The following AS3MT variants were observed in gnomAD, a reference collection of about 807,000 sequenced individuals.
AS3MT encodes arsenite methyltransferase.
AS3MT carries 47 observed loss-of-function variants against 45.3 expected under a neutral mutation model. That is an observed-to-expected ratio of 1.04 (90% confidence interval 0.82 to 1.32). The LOEUF is 1.32. Ranked by LOEUF, AS3MT falls within the 40% of genes most tolerant of loss-of-function variation. The pLI, the probability that AS3MT is intolerant of heterozygous loss-of-function variation, is 0.00. For missense variants in AS3MT, 396 were observed against 451.1 expected, an observed-to-expected ratio of 0.88 and a Z score of 1.11; for synonymous variants, 141 against 152.8, an observed-to-expected ratio of 0.92 and a Z score of 0.57.
intron 10 of AS3MT, among the ~76,000 whole-genome samples, chr10:102,899,322 T>A (rs1845234208): frequency 6.6e-6 from 1 of 151,792 alleles, no homozygotes; most frequent in Non-Finnish European, 1.5e-5. Flanking sequence ...CAAGCAGGAG[T>A]TCCAGTATAC....
intron 9 of AS3MT, among the ~76,000 whole-genome samples, chr10:102,889,300 T>C (rs1006809559): frequency 6.6e-6 from 1 of 152,178 alleles, no homozygotes; most frequent in Non-Finnish European, 1.5e-5. Context: ...AGTTCCACTT[T>C]TTTTAGCTTC....
chr10:102,892,985 A>AAAATAAAT (rs35801309), intron 10 of AS3MT, among the ~76,000 whole-genome samples: 3,284 of 138,324 alleles, frequency 0.024, 95 homozygotes, highest in African/African-American at 0.048. Context: ...ACTCTGTCTC[A>AAAATAAAT]AAATAAATAA....
chr10:102,897,267 C>G (rs1388839964), intron 10 of AS3MT, among the ~76,000 whole-genome samples: 2 of 151,368 alleles, frequency 1.3e-5, no homozygotes, highest in African/African-American at 2.4e-5. Context: ...GCCTGTAGTC[C>G]CAGCTACTCG....
At chr10:102,874,524 T>G in intron 5 of AS3MT, 68 bp from the exon 6 acceptor site, 2 of 1,173,806 alleles carry the variant, frequency 1.7e-6, no homozygotes, top group Non-Finnish European at 2.5e-6. Context: ...ACCTTTAGGG[T>G]CTGAAAGGAT....
intron 10 of AS3MT, among the ~76,000 whole-genome samples, chr10:102,892,754 T>C (rs1008726287): frequency 6.6e-5 from 10 of 151,984 alleles, no homozygotes; most frequent in African/African-American, 2.2e-4. Flanking sequence ...GGTGGGCAGA[T>C]TGCCTGAGCT....
At chr10:102,890,054 G>A (rs1241008703) in intron 9 of AS3MT, among the ~76,000 whole-genome samples, 1 of 148,252 alleles carries the variant, frequency 6.7e-6, no homozygotes, top group African/African-American at 2.5e-5. Flanking sequence ...GTGCTGGAGT[G>A]CAGTGGCACG....
intron 6 of AS3MT, among the ~76,000 whole-genome samples, chr10:102,876,035 A>G (rs1190391177): frequency 6.6e-6 from 1 of 152,120 alleles, no homozygotes; most frequent in African/African-American, 2.4e-5. Flanking sequence ...TGTCTTTGTT[A>G]GTATGTCATT....
At chr10:102,884,047 C>T (rs1169088752) in intron 9 of AS3MT, among the ~76,000 whole-genome samples, 2 of 145,538 alleles carry the variant, frequency 1.4e-5, no homozygotes, top group African/African-American at 2.5e-5. Flanking sequence ...GGCACAATCT[C>T]GGCTCACTGC....
intron 3 of AS3MT, 21 bp downstream of exon 3, chr10:102,870,232 C>G: frequency 6.2e-7 from 1 of 1,613,534 alleles, no homozygotes; most frequent in Non-Finnish European, 8.5e-7. Context: ...CTGTGCTGTC[C>G]CCAGGAAGAC....
At chr10:102,891,710 G>A (rs1482158892) in intron 10 of AS3MT, among the ~76,000 whole-genome samples, 1 of 152,114 alleles carries the variant, frequency 6.6e-6, no homozygotes, top group Non-Finnish European at 1.5e-5. Flanking sequence ...CACTTTGGGA[G>A]GCTGAGACAG....
At chr10:102,898,191 G>A (rs1302618241) in intron 10 of AS3MT, among the ~76,000 whole-genome samples, 1 of 151,662 alleles carries the variant, frequency 6.6e-6, no homozygotes, top group African/African-American at 2.4e-5. Flanking sequence ...TGGCATGCAG[G>A]GTATTGCATA....
At chr10:102,898,006 C>T (rs1845206667) in intron 10 of AS3MT, among the ~76,000 whole-genome samples, 1 of 152,012 alleles carries the variant, frequency 6.6e-6, no homozygotes, top group African/African-American at 2.4e-5. Flanking sequence ...AGGTCAGTTT[C>T]AAGTTTTTGA....
intron 7 of AS3MT, 117 bp from the exon 8 acceptor site, chr10:102,878,262 T>G: frequency 1.4e-6 from 2 of 1,408,390 alleles, no homozygotes; most frequent in South Asian, 2.8e-5. Flanking sequence ...CTTCTACTGC[T>G]AGGATCTATG....
At chr10:102,889,614 G>GCCTGCCCGCCTTCCTT (rs559139049) in intron 9 of AS3MT, among the ~76,000 whole-genome samples, 42 of 114,050 alleles carry the variant, frequency 3.7e-4, no homozygotes, top group African/African-American at 1.1e-3. Context: ...CTGTCTGCCT[G>GCCTGCCCGCCTTCCTT]CCTTCCTTCC....
At chr10:102,879,905 TA>T (rs1444022420) in intron 9 of AS3MT, among the ~76,000 whole-genome samples, 15 of 151,996 alleles carry the variant, frequency 9.9e-5, no homozygotes, top group Non-Finnish European at 1.9e-4. Flanking sequence ...TATATATATA[TA>T]TATATTTATT....
In AS3MT at chr10:102,878,453, C is replaced by T. The variant is rs756399134; in HGVS notation, c.685C>T (p.Arg229Cys). ...TCAAAAAATTGGGTTCTGCCCTCCA[C>T]GTTTGGTCACTGCCAATCTCATTAC... ...LAQKIGFCPP[R>C]LVTANLITIQ... Residue 229 changes from arginine (R) to cysteine (C), a missense_variant, in exon 8 of 11, where the codon CGT becomes TGT. Arg to Cys is a radical substitution (Grantham distance 180). Coordinates refer to ENST00000369880, the MANE Select transcript of AS3MT (RefSeq NM_020682.4). 6.8e-6 allele frequency: 11 copies of T among 1,613,864 alleles called. No individual in the cohort carries two copies. Among genetic ancestry groups the T allele is most frequent in the Middle Eastern group, 1.6e-4 (1 of 6,084 alleles).
chr10:102,899,947 G>A (rs540605234), intron 10 of AS3MT, among the ~76,000 whole-genome samples: 1 of 152,264 alleles, frequency 6.6e-6, no homozygotes, highest in Admixed American at 6.5e-5. Context: ...GATTACAGGC[G>A]TGAGCCACCG....
chr10:102,888,881 A>ATTTTTT (rs869038434), intron 9 of AS3MT, among the ~76,000 whole-genome samples: 3 of 52,520 alleles, frequency 5.7e-5, no homozygotes, highest in Non-Finnish European at 7.1e-5. Context: ...ATATATATAT[A>ATTTTTT]TTTTTTTTTT....
chr10:102,892,041 C>A (rs1482721012), intron 10 of AS3MT, among the ~76,000 whole-genome samples: 2 of 151,312 alleles, frequency 1.3e-5, no homozygotes, highest in Admixed American at 1.3e-4. Context: ...GATTTCCAGC[C>A]TGGACTTTTG....
Sources: allele counts gnomAD v4.1 joint callset (sites outside exome capture counted in the v4.1 genomes callset), GRCh38; gene constraint gnomAD v4.1.1; transcripts MANE v1.5; gene names NCBI Gene and HGNC (gene_info 2026-07-23, HGNC 2026-07-21).